RAMP3: variants seen among roughly 807,000 people sequenced by gnomAD.
RAMP3 encodes the protein receptor activity modifying protein 3, also known as receptor activity-modifying protein 3.
RAMP3 carries 14 observed loss-of-function variants against 13.5 expected under a neutral mutation model. The ratio of observed to expected loss-of-function variants is 1.04; its 90% CI spans 0.69 to 1.63. The LOEUF is 1.63. Among genes scored for constraint, RAMP3 ranks in the 40% most tolerant of loss-of-function variants. RAMP3 has a pLI of 0.00. For synonymous variants in RAMP3, 106 were observed against 88.3 expected, an observed-to-expected ratio of 1.20 and a Z score of -1.12; for missense variants, 200 against 204.8, an observed-to-expected ratio of 0.98 and a Z score of 0.14.
At chr7:45,177,749 G>A (rs1786222979) in intron 2 of RAMP3, among the ~76,000 whole-genome samples, 1 of 152,022 alleles carries the variant, frequency 6.6e-6, no homozygotes, top group South Asian at 2.1e-4. Context: ...CACCCACAGC[G>A]GGTTCCCAGC....
chr7:45,172,547 C>T lies in RAMP3; in HGVS notation c.59-4762C>T, dbSNP rs535413025. ...CTAGAGTGCAGTGGCACGATCTTGG[C>T]TCACTGCAACCTCTGCCTCTTTGGT... is the stretch of plus-strand genomic sequence containing the variant. On this transcript the variant is annotated intron_variant, in intron 1 of 2. Coordinates refer to ENST00000242249, the MANE Select transcript of RAMP3 (RefSeq NM_005856.3). Among the ~76,000 whole-genome samples the T allele has an allele frequency of 1.3e-4, 20 of 152,336 alleles. No homozygotes were observed. The South Asian group carries it at 3.9e-3, about 30-fold the overall frequency.
At chr7:45,162,753 C>T (rs1259476212) in intron 1 of RAMP3, among the ~76,000 whole-genome samples, 1 of 152,130 alleles carries the variant, frequency 6.6e-6, no homozygotes, top group Non-Finnish European at 1.5e-5. Flanking sequence ...AAGGGTCTGC[C>T]AGGTAGGTGC....
intron 1 of RAMP3, among the ~76,000 whole-genome samples, chr7:45,168,341 G>A (rs1232216612): frequency 1.4e-5 from 2 of 144,046 alleles, no homozygotes; most frequent in Non-Finnish European, 3.0e-5. Flanking sequence ...GGGAGGCAGA[G>A]GTTCCAGTGA....
At chr7:45,178,956 G>A (rs1202622246) in intron 2 of RAMP3, among the ~76,000 whole-genome samples, 6 of 152,112 alleles carry the variant, frequency 3.9e-5, no homozygotes, top group East Asian at 3.9e-4. Context: ...TTGACATTGC[G>A]GAGCCCTCCC....
At chr7:45,173,926 C>T (rs1786127338) in intron 1 of RAMP3, among the ~76,000 whole-genome samples, 1 of 152,030 alleles carries the variant, frequency 6.6e-6, no homozygotes, top group South Asian at 2.1e-4. Flanking sequence ...AGGGCAGACA[C>T]ATATAGCAGA....
chr7:45,161,479 C>G (rs1041576795), intron 1 of RAMP3, among the ~76,000 whole-genome samples: 2 of 152,194 alleles, frequency 1.3e-5, no homozygotes, highest in East Asian at 1.9e-4. Flanking sequence ...GACACAGGCC[C>G]TGTGTAGGGA....
At chr7:45,179,023 G>C (rs566794206) in intron 2 of RAMP3, among the ~76,000 whole-genome samples, 1 of 152,334 alleles carries the variant, frequency 6.6e-6, no homozygotes, top group East Asian at 1.9e-4. Context: ...CTGAGAAGCA[G>C]TGAGGTGTCC....
intron 1 of RAMP3, among the ~76,000 whole-genome samples, chr7:45,166,253 C>A (rs1246634459): frequency 4.0e-5 from 6 of 151,688 alleles, no homozygotes; most frequent in African/African-American, 1.2e-4. Context: ...TAGCTCACTG[C>A]AACCCCGGAC....
intron 2 of RAMP3, among the ~76,000 whole-genome samples, chr7:45,182,735 G>C (rs1786340327): frequency 6.6e-6 from 1 of 152,178 alleles, no homozygotes; most frequent in Admixed American, 6.5e-5. Context: ...TGGCCTCAGA[G>C]AGACCCTCCT....
chr7:45,172,091 C>G (rs1165481506), intron 1 of RAMP3, among the ~76,000 whole-genome samples: 4 of 152,172 alleles, frequency 2.6e-5, no homozygotes, highest in Non-Finnish European at 4.4e-5. Flanking sequence ...GCCTGCCATG[C>G]CTGGTGCAGA....
At chr7:45,163,855 C>T (rs977314888) in intron 1 of RAMP3, 1 of 985,308 alleles carries the variant, frequency 1.0e-6, no homozygotes, top group African/African-American at 1.7e-5. Context: ...GGCCTCCATT[C>T]CTGCAGAGAT....
chr7:45,166,975 T>TTTTTTTTTTTG (rs59049530), intron 1 of RAMP3, among the ~76,000 whole-genome samples: 1 of 149,902 alleles, frequency 6.7e-6, no homozygotes, highest in African/African-American at 2.5e-5. Flanking sequence ...TTTTTTTTTT[T>TTTTTTTTTTTG]GAGACAGAGT....
At chr7:45,178,839 C>T (rs1786246978) in intron 2 of RAMP3, among the ~76,000 whole-genome samples, 1 of 152,182 alleles carries the variant, frequency 6.6e-6, no homozygotes, top group Admixed American at 6.5e-5. Flanking sequence ...TGGAGGCAAC[C>T]CGATGGGCAT....
At chr7:45,168,590 TA>T (rs145948664) in intron 1 of RAMP3, among the ~76,000 whole-genome samples, 1,892 of 152,274 alleles carry the variant, frequency 0.012, 32 homozygotes, top group African/African-American at 0.043. Context: ...AAATACAACT[TA>T]TTTTTTTGTG....
intron 1 of RAMP3, among the ~76,000 whole-genome samples, chr7:45,161,718 G>C (rs1298102011): frequency 6.6e-6 from 1 of 151,982 alleles, no homozygotes; most frequent in African/African-American, 2.4e-5. Context: ...GAAGAACTGG[G>C]CTGGGTCTCG....
intron 1 of RAMP3, among the ~76,000 whole-genome samples, chr7:45,172,550 A>C (rs1490448578): frequency 6.6e-6 from 1 of 152,146 alleles, no homozygotes; most frequent in Non-Finnish European, 1.5e-5. Context: ...ATCTTGGCTC[A>C]CTGCAACCTC....
At chr7:45,165,526 GC>G (rs1785943464) in intron 1 of RAMP3, among the ~76,000 whole-genome samples, 1 of 152,118 alleles carries the variant, frequency 6.6e-6, no homozygotes, top group Non-Finnish European at 1.5e-5. Flanking sequence ...GCCTTAAAAA[GC>G]CAGCATTATT....
rs777287258 is a variant in RAMP3, at chr7:45,183,307, C to T, written c.342C>T (p.Pro114=). The change falls in exon 3 of 3, where the codon CCC becomes CCT. Residue 114 remains proline (P), a synonymous_variant. Coordinates refer to ENST00000242249, the MANE Select transcript of RAMP3 (RefSeq NM_005856.3). ...CTVDRVHLED[P]PDEVLIPLIV... ...TGGACAGGGTCCACTTGGAGGACCC[C>T]CCAGACGAGGTTCTCATCCCGCTGA... is the stretch of plus-strand genomic sequence containing the variant. The T allele has an allele frequency of 5.0e-5, 81 of 1,614,026 alleles. No homozygotes were observed. The highest frequency in any genetic ancestry group is 6.4e-5 in the Non-Finnish European group (76 of 1,180,054).
intron 2 of RAMP3, among the ~76,000 whole-genome samples, chr7:45,182,385 G>A (rs566398057): frequency 3.9e-5 from 6 of 152,274 alleles, no homozygotes; most frequent in Admixed American, 6.5e-5. Context: ...TCCACAGGCT[G>A]CCCATTGGAA....
Sources: gnomAD v4.1 joint callset for allele counts (sites outside exome capture counted in the v4.1 genomes callset) on GRCh38, gnomAD v4.1.1 for gene constraint, MANE v1.5 for transcripts, NCBI Gene and HGNC (gene_info 2026-07-23, HGNC 2026-07-21) for gene names.